The following NBEAL1 variants were observed in gnomAD, a reference collection of about 807,000 sequenced individuals.
NBEAL1 encodes neurobeachin like 1, also known as neurobeachin-like protein 1.
NBEAL1 carries 273 observed loss-of-function variants against 351.3 expected under a neutral mutation model. The ratio of observed to expected loss-of-function variants is 0.78; its 90% CI spans 0.70 to 0.86. The LOEUF is 0.86. Among genes scored for constraint, NBEAL1 ranks in the 40% least tolerant of loss-of-function variants. NBEAL1 has a pLI of 0.00. For synonymous variants in NBEAL1, 1,050 were observed against 1,086.4 expected (o/e 0.97, Z 0.66); for missense variants, 2,961 against 3,201.3 (o/e 0.92, Z 1.81).
At chr2:203,076,777 A>T (rs1037728163) in intron 7 of NBEAL1, among the ~76,000 whole-genome samples, 1 of 151,580 alleles carries the variant, frequency 6.6e-6, no homozygotes, top group Non-Finnish European at 1.5e-5. Context: ...TTTTTAGTAG[A>T]GACAGGATTT....
chr2:203,126,491 A>T (rs1338165799), intron 21 of NBEAL1, 66 bp from the exon 22 acceptor site: 1 of 1,194,382 alleles, frequency 8.4e-7, no homozygotes, highest in Non-Finnish European at 1.1e-6. Context: ...TTAATGATTT[A>T]AAATTATAAC....
At chr2:203,172,702 C>G (rs2064361347) in intron 40 of NBEAL1, 27 bp from the exon 41 acceptor site, 1 of 1,591,302 alleles carries the variant, frequency 6.3e-7, no homozygotes, top group African/African-American at 1.4e-5. Flanking sequence ...GAAGGAATGT[C>G]TAAATTGTAA....
chr2:203,147,110 AG>A (rs1349050591), intron 33 of NBEAL1, among the ~76,000 whole-genome samples: 1 of 152,302 alleles, frequency 6.6e-6, no homozygotes, highest in East Asian at 1.9e-4. Context: ...GGAACTAGGC[AG>A]GGATATTCAT....
chr2:203,187,109 G>C (rs564486705), intron 44 of NBEAL1, among the ~76,000 whole-genome samples: 1 of 152,240 alleles, frequency 6.6e-6, no homozygotes, highest in South Asian at 2.1e-4. Flanking sequence ...AATGTCCCCC[G>C]GCTGGAGTGC....
At chr2:203,067,340 C>G (rs1052555068) in intron 6 of NBEAL1, among the ~76,000 whole-genome samples, 3 of 152,162 alleles carry the variant, frequency 2.0e-5, no homozygotes, top group African/African-American at 7.2e-5. Context: ...TGGAAATAGG[C>G]ATAGATTTAG....
At chr2:203,166,346 CTAATT>C in intron 37 of NBEAL1, 49 bp downstream of exon 37, 1 of 1,495,988 alleles carries the variant, frequency 6.7e-7, no homozygotes, top group Non-Finnish European at 9.1e-7. Context: ...AATTAAGTAT[CTAATT>C]TATCAATCAT....
intron 2 of NBEAL1, among the ~76,000 whole-genome samples, chr2:203,039,735 C>T (rs887193024): frequency 2.6e-5 from 4 of 152,086 alleles, no homozygotes; most frequent in African/African-American, 4.8e-5. Context: ...TTTATGTTTA[C>T]GTTAATGATC....
chr2:203,024,777 G>A (rs911554658), intron 2 of NBEAL1, among the ~76,000 whole-genome samples: 14 of 151,788 alleles, frequency 9.2e-5, no homozygotes, highest in Non-Finnish European at 8.8e-5. Flanking sequence ...CAGGAGAATC[G>A]CTTGAACCTG....
In NBEAL1 at chr2:203,083,270, GTA is replaced by G; in HGVS notation, c.738_739del (p.Leu247GlyfsTer4). ...SPATMEVLMRVLADCDSWEDG... is the reference protein window; with the variant it reads ...SPATMEVLMRXLADCDSWEDG... ...AGCCACTATGGAAGTTCTTATGCGA[GTA>G]TTGGCAGATTGTGATTCCTGGGAGG... On this transcript the variant is annotated frameshift_variant, in exon 9 of 56. Coordinates refer to ENST00000683969, the MANE Select transcript of NBEAL1 (RefSeq NM_001378026.1). LOFTEE classifies it high-confidence loss of function. 1 of 1,552,350 alleles carries G rather than the reference GTA, an allele frequency of 6.4e-7. No homozygotes were observed.
rs1434043867 is a variant in NBEAL1 at position 203,074,068 on chromosome 2, G to A, written c.599-3684G>A. The stretch of plus-strand genomic sequence containing the variant: ...GTTAGTAACAATGCATTGCATACTT[G>A]AAAATGGCTAAGAGAGTAGCTAAAA... On this transcript the variant is annotated intron_variant, in intron 7 of 55. Transcript: ENST00000683969. 2.6e-5 allele frequency among the ~76,000 whole-genome samples: 4 copies of A among 152,240 alleles called. No individual in the cohort carries two copies. The East Asian group carries it at 7.7e-4, about 29-fold the overall frequency.
intron 10 of NBEAL1, among the ~76,000 whole-genome samples, chr2:203,094,597 T>A (rs116385309): frequency 6.6e-6 from 1 of 152,216 alleles, no homozygotes; most frequent in Non-Finnish European, 1.5e-5. Context: ...TTCGTCAGCC[T>A]ATTTAAGTAT....
chr2:203,180,527 AT>A lies in NBEAL1; in HGVS notation c.6595+17del. On this transcript the variant is annotated intron_variant, in intron 43 of 55. Coordinates refer to ENST00000683969, the MANE Select transcript of NBEAL1 (RefSeq NM_001378026.1). Reference sequence around the variant, plus strand: ...AAATCAAAATCGTAAGAAATAGAGGATTAAAAATTTGACTAGCAGGTCCCAA... The same window carrying A: ...AAATCAAAATCGTAAGAAATAGAGGATAAAAATTTGACTAGCAGGTCCCAA... The A allele has an allele frequency of 6.3e-7, 1 of 1,594,186 alleles. No homozygotes were observed. The highest frequency in any genetic ancestry group is 1.3e-5 in the African/African-American group (1 of 74,176).
intron 3 of NBEAL1, 78 bp from the exon 4 acceptor site, chr2:203,049,736 A>G: frequency 7.7e-7 from 1 of 1,296,914 alleles, no homozygotes; most frequent in Non-Finnish European, 1.0e-6. Context: ...TTGGGCTGAA[A>G]ATGAAGTTCA....
In NBEAL1 at chr2:203,093,337, T is replaced by G. The variant is rs982227548; in HGVS notation, c.1099-4210T>G. ...TGTTAGCATTGGTTTTTCTTCAGTA[T>G]ATGAAACTCAGATATAACAAATTTC... On this transcript the variant is annotated intron_variant, in intron 10 of 55. Transcript: ENST00000683969. Among the ~76,000 whole-genome samples the G allele has an allele frequency of 2.6e-5, 4 of 151,878 alleles. No individual in the cohort carries two copies. The South Asian group carries it at 6.2e-4, about 24-fold the overall frequency.
intron 7 of NBEAL1, among the ~76,000 whole-genome samples, chr2:203,070,435 C>G (rs1365969614): frequency 7.1e-6 from 1 of 141,578 alleles, no homozygotes; most frequent in Non-Finnish European, 1.5e-5. Flanking sequence ...ATAATCATAG[C>G]TTACTGTAGC....
At chr2:203,164,845 A>G (rs1276561052) in intron 36 of NBEAL1, among the ~76,000 whole-genome samples, 3 of 150,492 alleles carry the variant, frequency 2.0e-5, no homozygotes, top group African/African-American at 7.3e-5. Context: ...TGTGAGTGGT[A>G]GAAGCTCCCA....
At chr2:203,119,614 C>T (rs74712775) in intron 18 of NBEAL1, among the ~76,000 whole-genome samples, 3 of 151,408 alleles carry the variant, frequency 2.0e-5, no homozygotes, top group Admixed American at 6.6e-5. Flanking sequence ...TTAGTACAGA[C>T]GAGGTTTCAC....
intron 36 of NBEAL1, among the ~76,000 whole-genome samples, chr2:203,165,933 C>CT (rs2064116756): frequency 6.6e-6 from 1 of 152,092 alleles, no homozygotes; most frequent in Admixed American, 6.6e-5. Flanking sequence ...TTCCCAGCTA[C>CT]TTGGGAGGCT....
Position 203,084,513 on chromosome 2 carries a change from A to C in NBEAL1, c.1042A>C (p.Ile348Leu). The C allele has an allele frequency of 5.2e-6, 8 of 1,545,922 alleles. No individual in the cohort carries two copies. The highest frequency in any genetic ancestry group is 7.0e-6 in the Non-Finnish European group (8 of 1,144,474). ...TACAGATAGACCTGTTCTTCAGGCCATTTTTCTTAACAGCAATTGCTTTGA... is the reference window on the plus strand; with the variant it reads ...TACAGATAGACCTGTTCTTCAGGCCCTTTTTCTTAACAGCAATTGCTTTGA... ...DCTDRPVLQA[I>L]FLNSNCFEHL... The change falls in exon 10 of 56, where the codon ATT (isoleucine) becomes CTT (leucine). Residue 348 changes from isoleucine to leucine, a missense_variant. Transcript: ENST00000683969.
Sources: allele counts gnomAD v4.1 joint callset (sites outside exome capture counted in the v4.1 genomes callset), GRCh38; gene constraint gnomAD v4.1.1; transcripts MANE v1.5; gene names NCBI Gene and HGNC (gene_info 2026-07-23, HGNC 2026-07-21).